Variants in APBA2 observed in about 807,000 individuals in gnomAD.
The protein encoded by APBA2 is amyloid beta precursor protein binding family A member 2.
APBA2 carries 30 observed loss-of-function variants against 75.0 expected under a neutral mutation model. The ratio of observed to expected loss-of-function variants is 0.40; its 90% CI spans 0.30 to 0.54. The LOEUF (loss-of-function observed/expected upper bound fraction) is 0.54. Among genes scored for constraint, APBA2 ranks in the 20% least tolerant of loss-of-function variants. The pLI is 0.49. For missense variants in APBA2, 801 were observed against 1,016.1 expected, an observed-to-expected ratio of 0.79 and a Z score of 2.88; for synonymous variants, 444 against 409.6, an observed-to-expected ratio of 1.08 and a Z score of -1.01.
rs373037802 is a variant in APBA2, at chr15:28,998,312, C to T, written c.-41+2506C>T. On this transcript the variant is annotated intron_variant, in intron 3 of 14. Transcript: ENST00000683413. ...TGCATAATGAAATATATAAAATCAG[C>T]GATTATCCTGAAGGAACACAGAAAA... Among the ~76,000 whole-genome samples the T allele has an allele frequency of 5.3e-5, 8 of 150,778 alleles. No homozygotes were observed. In the East Asian group the frequency reaches 1.2e-3, roughly 22 times the overall value.
At chr15:28,915,579 C>T (rs2033654269) in intron 1 of APBA2, among the ~76,000 whole-genome samples, 1 of 150,648 alleles carries the variant, frequency 6.6e-6, no homozygotes, top group African/African-American at 2.5e-5. Flanking sequence ...CATATCACAG[C>T]ACCCATACCA....
At chr15:29,108,208 C>T (rs959141886) in intron 12 of APBA2, 62 bp from the exon 13 acceptor site, 11 of 1,610,244 alleles carry the variant, frequency 6.8e-6, no homozygotes, top group South Asian at 2.2e-5. Context: ...CAGCCTCGCT[C>T]ATCCTGGGTC....
At chr15:28,973,023 T>C (rs559399694) in intron 2 of APBA2, among the ~76,000 whole-genome samples, 1 of 152,350 alleles carries the variant, frequency 6.6e-6, no homozygotes, top group African/African-American at 2.4e-5. Flanking sequence ...TTTGGAGAAC[T>C]CCCAAGTATA....
chr15:29,090,729 G>A (rs2043520426), intron 6 of APBA2, among the ~76,000 whole-genome samples: 1 of 152,206 alleles, frequency 6.6e-6, no homozygotes, highest in African/African-American at 2.4e-5. Flanking sequence ...GAGAGCCACT[G>A]CATTGGGCCC....
chr15:28,905,979 A>G (rs1452936400), intron 1 of APBA2, among the ~76,000 whole-genome samples: 1 of 152,210 alleles, frequency 6.6e-6, no homozygotes, highest in Non-Finnish European at 1.5e-5. Context: ...AGTGCCCACA[A>G]GGATAATCAT....
At position 29,037,477 on chromosome 15, in the gene APBA2, A is replaced by T. The variant is rs117642728; in HGVS notation, c.-40-16368A>T. Among the ~76,000 whole-genome samples, 537 of 152,090 alleles carry T rather than the reference A, an allele frequency of 3.5e-3. 3 individuals carry two copies. The highest frequency in any genetic ancestry group is 0.031 in the Middle Eastern group (9 of 294). On this transcript the variant is annotated intron_variant, in intron 3 of 14. Coordinates refer to ENST00000683413, the MANE Select transcript of APBA2 (RefSeq NM_001353788.2). Reference sequence around the variant, plus strand: ...CCCATCACCATGGCCAGTGCCTCTGAGGGTTTGTTGGGATTAGAGGGGCAG... The same window carrying T: ...CCCATCACCATGGCCAGTGCCTCTGTGGGTTTGTTGGGATTAGAGGGGCAG...
At chr15:28,902,554 T>C (rs929688233) in intron 1 of APBA2, among the ~76,000 whole-genome samples, 22 of 152,156 alleles carry the variant, frequency 1.4e-4, no homozygotes, top group African/African-American at 4.8e-4. Context: ...GGAGAAGCTA[T>C]GGAAATGCCA....
At chr15:29,059,163 A>G (rs144895583) in intron 4 of APBA2, among the ~76,000 whole-genome samples, 1 of 152,274 alleles carries the variant, frequency 6.6e-6, no homozygotes, top group Admixed American at 6.5e-5. Flanking sequence ...CTCATACTGT[A>G]AACAGCTGTT....
chr15:28,894,505 G>A (rs1414122025), intron 1 of APBA2, among the ~76,000 whole-genome samples: 1 of 152,136 alleles, frequency 6.6e-6, no homozygotes, highest in Non-Finnish European at 1.5e-5. Flanking sequence ...GAGTGGGTGG[G>A]TTTACCCCTT....
intron 6 of APBA2, among the ~76,000 whole-genome samples, chr15:29,078,641 A>AC (rs1448980719): frequency 6.6e-6 from 1 of 151,866 alleles, no homozygotes; most frequent in Non-Finnish European, 1.5e-5. Context: ...AAAAAACAAA[A>AC]AAAAAAAGTC....
chr15:29,075,960 A>T, intron 5 of APBA2, 95 bp from the exon 6 acceptor site: 1 of 1,159,312 alleles, frequency 8.6e-7, no homozygotes, highest in Non-Finnish European at 1.3e-6. Context: ...TGCTTTTCTC[A>T]TTATGGCTCA....
At chr15:28,971,726 TA>T (rs1240350154) in intron 2 of APBA2, among the ~76,000 whole-genome samples, 3 of 151,968 alleles carry the variant, frequency 2.0e-5, no homozygotes, top group African/African-American at 7.2e-5. Context: ...TCTCCTTAAT[TA>T]AAAAAACTGT....
At chr15:29,040,200 C>T (rs181944798) in intron 3 of APBA2, among the ~76,000 whole-genome samples, 28 of 152,320 alleles carry the variant, frequency 1.8e-4, no homozygotes, top group African/African-American at 5.1e-4. Context: ...TTGGAGGAAC[C>T]GGTTGTTGCA....
chr15:29,115,805 G>T (rs1161183025), intron 14 of APBA2, among the ~76,000 whole-genome samples: 1 of 152,216 alleles, frequency 6.6e-6, no homozygotes, highest in Non-Finnish European at 1.5e-5. Context: ...ATCCCGGCGG[G>T]GGAGGGAGGG....
chr15:29,060,152 C>T lies in APBA2; in HGVS notation c.951+5317C>T, dbSNP rs79268582. Among the ~76,000 whole-genome samples, 30 of 152,308 alleles carry T rather than the reference C, an allele frequency of 2.0e-4. No individual in the cohort carries two copies. In the East Asian group the frequency reaches 5.8e-3, roughly 29 times the overall value. On this transcript the variant is annotated intron_variant, in intron 4 of 14. Transcript: ENST00000683413. ...ATTGTGTTATCATCAGGACCCTTGG[C>T]TTCTGCAGATTTAACCTTTCTTATT...
At chr15:28,959,079 C>G (rs2036326915) in intron 2 of APBA2, among the ~76,000 whole-genome samples, 2 of 152,144 alleles carry the variant, frequency 1.3e-5, no homozygotes, top group South Asian at 4.1e-4. Context: ...ACCTCCACCT[C>G]CTGGGTTAAA....
intron 2 of APBA2, among the ~76,000 whole-genome samples, chr15:28,923,449 C>T (rs2034083626): frequency 6.6e-6 from 1 of 152,012 alleles, no homozygotes; most frequent in Admixed American, 6.6e-5. Flanking sequence ...TTAGGTGAAC[C>T]CTTATGCAGT....
chr15:28,935,651 G>A (rs1349784387), intron 2 of APBA2, among the ~76,000 whole-genome samples: 3 of 152,180 alleles, frequency 2.0e-5, no homozygotes, highest in African/African-American at 7.2e-5. Flanking sequence ...AGTCAGCCAA[G>A]CCCTCCCCTC....
At chr15:28,935,765 G>A (rs1337109674) in intron 2 of APBA2, among the ~76,000 whole-genome samples, 8 of 152,212 alleles carry the variant, frequency 5.3e-5, no homozygotes, top group Non-Finnish European at 1.0e-4. Context: ...GGGCCAGTGA[G>A]TTTGTTCCTA....
Sources: allele counts gnomAD v4.1 joint callset (sites outside exome capture counted in the v4.1 genomes callset), GRCh38; gene constraint gnomAD v4.1.1; transcripts MANE v1.5; gene names NCBI Gene and HGNC (gene_info 2026-07-23, HGNC 2026-07-21).